The following CCDC24 variants were observed in gnomAD, a reference collection of about 807,000 sequenced individuals.
The protein encoded by CCDC24 is coiled-coil domain containing 24, also known as coiled-coil domain-containing protein 24.
In CCDC24, 34 loss-of-function variants were observed where a neutral mutation model predicts 31.6. That is an observed-to-expected ratio of 1.08 (90% CI 0.82 to 1.43). The LOEUF (loss-of-function observed/expected upper bound fraction) is 1.43, where lower values mean the gene tolerates loss of function less well. CCDC24 is among the 40% of genes most tolerant of loss of function. CCDC24 has a pLI of 0.00. For missense variants in CCDC24, 426 were observed against 391.1 expected (o/e 1.09, Z -0.75); for synonymous variants, 175 against 157.3 (o/e 1.11, Z -0.84).
Position 43,995,303 on chromosome 1 carries a change from G to A in CCDC24, c.552+141G>A. The stretch of plus-strand genomic sequence containing the variant: ...CTGCATCCATTTCTCAGGGGTGCAT[G>A]CTTGTGTGCACCTGCAAAATCCTGG... On this transcript the variant is annotated intron_variant, in intron 6 of 8. Transcript: ENST00000372318. This position sits in a 1 kb window ranked among gnomAD's most constrained non-coding sequence, Gnocchi z 4.3. 2.2e-6 allele frequency: 2 copies of A among 926,354 alleles called. No homozygotes were observed. Among genetic ancestry groups the A allele is most frequent in the Non-Finnish European group, 3.3e-6 (2 of 611,814 alleles). The allele number at this position is 926,354 out of a possible 1,614,324, so 57.4% of individuals were successfully genotyped here.
intron 5 of CCDC24, 68 bp downstream of exon 5, chr1:43,994,032 G>C: frequency 7.1e-7 from 1 of 1,411,994 alleles, no homozygotes; most frequent in Non-Finnish European, 1.0e-6. Flanking sequence ...TGAGGTGCTG[G>C]GATTGTGAGA....
rs1334392727 is a variant in CCDC24, at chr1:43,995,232, A to C, written c.552+70A>C. ...GTAGACTCTCACCTGGGTGAGACCCATGTACCTGTGTGCATACATAGGTGC... is the reference window on the plus strand; with the variant it reads ...GTAGACTCTCACCTGGGTGAGACCCCTGTACCTGTGTGCATACATAGGTGC... On this transcript the variant is annotated intron_variant, in intron 6 of 8. Coordinates refer to ENST00000372318, the MANE Select transcript of CCDC24 (RefSeq NM_152499.4). The surrounding 1 kb of genome is among the most constrained non-coding windows in gnomAD (Gnocchi z 4.3). 6.9e-7 allele frequency: 1 copy of C among 1,449,486 alleles called. No individual in the cohort carries two copies. The highest frequency in any genetic ancestry group is 1.4e-5 in the African/African-American group (1 of 71,278). The allele number at this position is 1,449,486 out of a possible 1,614,324, so 89.8% of individuals were successfully genotyped here. A position where few individuals can be genotyped will look rare whatever the true frequency, so the allele number is the denominator to read the frequency against.
chr1:43,994,769 C>T (rs1172658094), intron 5 of CCDC24: 1 of 351,920 alleles, frequency 2.8e-6, no homozygotes, highest in Non-Finnish European at 5.2e-6. Flanking sequence ...AATACCTTGA[C>T]ACAGGGGTAG....
rs1557658877 is a variant in CCDC24, at chr1:43,995,796, A to C, written c.641A>C (p.Lys214Thr). The C allele has an allele frequency of 6.2e-7, 1 of 1,614,222 alleles. No individual in the cohort carries two copies. Among genetic ancestry groups the C allele is most frequent in the Non-Finnish European group, 8.5e-7 (1 of 1,180,030 alleles). ...PTLAELKEQK[K>T]AMEQELQASV... ...CCTTCAGAGCTAAAGGAACAGAAGAAGGCCATGGAGCAGGAGCTGCAGGCA... is the reference window on the plus strand; with the variant it reads ...CCTTCAGAGCTAAAGGAACAGAAGACGGCCATGGAGCAGGAGCTGCAGGCA... Residue 214 changes from lysine to threonine, a missense_variant, in exon 8 of 9, where the codon AAG becomes ACG. Coordinates refer to ENST00000372318, the MANE Select transcript of CCDC24 (RefSeq NM_152499.4). The surrounding 1 kb of genome is among the most constrained non-coding windows in gnomAD (Gnocchi z 4.3).
At position 43,992,199 on chromosome 1, in the gene CCDC24, G is replaced by T. The variant is rs886342252; in HGVS notation, c.127-13G>T. ...CCCTCCCCAGTCGCAAGGTATCCCAGCTCTCCTTGCAGGTGGCGATGTTAC... is the reference window on the plus strand; with the variant it reads ...CCCTCCCCAGTCGCAAGGTATCCCATCTCTCCTTGCAGGTGGCGATGTTAC... On this transcript the variant is annotated splice_polypyrimidine_tract_variant and intron_variant, in intron 2 of 8. Transcript: ENST00000372318. The T allele has an allele frequency of 1.9e-6, 3 of 1,606,654 alleles. No homozygotes were observed. In the East Asian group the frequency reaches 6.7e-5, roughly 36 times the overall value.
chr1:43,993,860 G>A (rs373241583), intron 4 of CCDC24, 27 bp from the exon 5 acceptor site: 41 of 1,611,706 alleles, frequency 2.5e-5, no homozygotes, highest in African/African-American at 6.7e-5. Flanking sequence ...AGCAACATGC[G>A]GAGAGTGATA....
Position 43,995,649 on chromosome 1 carries a change from G to T in CCDC24, c.601G>T (p.Ala201Ser). The part of the protein sequence containing the change: ...YLRPCHPSEA[A>S]LEPTLAELKE... ...GAGGCCTTGCCACCCCTCTGAGGCA[G>T]CCCTGGAGCCCACCCTGGCAGGTGA... Residue 201 changes from alanine (A) to serine (S), a missense_variant, in exon 7 of 9, where the codon GCC (alanine) becomes TCC (serine). Coordinates refer to ENST00000372318, the MANE Select transcript of CCDC24 (RefSeq NM_152499.4). This position sits in a 1 kb window ranked among gnomAD's most constrained non-coding sequence, Gnocchi z 4.3. 6.2e-7 allele frequency: 1 copy of T among 1,613,032 alleles called. No homozygotes were observed. Among genetic ancestry groups the T allele is most frequent in the Non-Finnish European group, 8.5e-7 (1 of 1,179,492 alleles).
rs2085752300 is a variant in CCDC24 at position 43,991,975 on chromosome 1, G to C, written c.97G>C (p.Val33Leu). The change falls in exon 2 of 9, where the codon GTG (valine) becomes CTG (leucine). Residue 33 changes from valine (V) to leucine (L), a missense_variant. Val to Leu is a conservative substitution (Grantham distance 32). Coordinates refer to ENST00000372318, the MANE Select transcript of CCDC24 (RefSeq NM_152499.4). ...EVKRILGEAA[V>L]DLSLELRAEV... Reference sequence around the variant, plus strand: ...GAAGAGGATTCTGGGGGAGGCGGCGGTGGACCTGAGCCTGGAGCTGCGGGC... The same window carrying C: ...GAAGAGGATTCTGGGGGAGGCGGCGCTGGACCTGAGCCTGGAGCTGCGGGC... 3 of 1,522,416 alleles carry C rather than the reference G, an allele frequency of 2.0e-6. No individual in the cohort carries two copies. The highest frequency in any genetic ancestry group is 2.5e-5 in the South Asian group (2 of 80,918). 94.3% of individuals were successfully genotyped at this position (1,522,416 alleles called of 1,614,324 possible). A position where few individuals can be genotyped will look rare whatever the true frequency, so the allele number is the denominator to read the frequency against.
In CCDC24 at chr1:43,995,154, A is replaced by G; in HGVS notation, c.544A>G (p.Ile182Val). ...TCACACCTTGGAGAGGGAGATCCTC[A>G]TCCTGCAGGTGAGCCGCAGCCCTGG... ...ECHTLEREIL[I>V]LQRCLEEEYL... The change falls in exon 6 of 9, where the codon ATC (isoleucine) becomes GTC (valine). Residue 182 changes from isoleucine to valine, a missense_variant. Ile to Val is a conservative substitution (Grantham distance 29). Transcript: ENST00000372318. This position sits in a 1 kb window ranked among gnomAD's most constrained non-coding sequence, Gnocchi z 4.3. 1 of 1,575,660 alleles carries G rather than the reference A, an allele frequency of 6.3e-7. No homozygotes were observed. The highest frequency in any genetic ancestry group is 1.2e-5 in the South Asian group (1 of 85,964).
At position 43,996,105 on chromosome 1, in the gene CCDC24, G is replaced by C. The variant is rs1369541977; in HGVS notation, c.869G>C (p.Arg290Thr). 6.2e-7 allele frequency: 1 copy of C among 1,613,480 alleles called. No homozygotes were observed. The highest frequency in any genetic ancestry group is 1.6e-4 in the Middle Eastern group (1 of 6,084). ...GGACGGCAGCTTCAGTGCAGCCCCAGGGAAGGGCCAGCTTCCACACCCATG... is the reference window on the plus strand; with the variant it reads ...GGACGGCAGCTTCAGTGCAGCCCCACGGAAGGGCCAGCTTCCACACCCATG... Reference protein sequence around the residue: ...RWGRQLQCSPREGPASTPMSS... With the variant: ...RWGRQLQCSPTEGPASTPMSS... The change falls in exon 9 of 9, where the codon AGG (arginine) becomes ACG (threonine). Residue 290 changes from arginine to threonine, a missense_variant. Physicochemically the swap from Arg to Thr is moderately conservative, Grantham distance 71 (BLOSUM62 -1). Transcript: ENST00000372318.
At chr1:43,992,028 C>T (rs2085753595) in intron 2 of CCDC24, 24 bp downstream of exon 2, 2 of 1,469,756 alleles carry the variant, frequency 1.4e-6, no homozygotes, top group Non-Finnish European at 1.8e-6. Flanking sequence ...AGGTGGGCCA[C>T]GCCCCTGGCC....
rs1250445797 is a variant in CCDC24, at chr1:43,995,235, T to TA, written c.552+74dup. The TA allele has an allele frequency of 2.1e-6, 3 of 1,411,086 alleles. No homozygotes were observed. The highest frequency in any genetic ancestry group is 2.9e-6 in the Non-Finnish European group (3 of 1,028,848). The allele number at this position is 1,411,086 out of a possible 1,614,324, so 87.4% of individuals were successfully genotyped here. A position where few individuals can be genotyped will look rare whatever the true frequency, so the allele number is the denominator to read the frequency against. On this transcript the variant is annotated intron_variant, in intron 6 of 8. Transcript: ENST00000372318. The surrounding 1 kb of genome is among the most constrained non-coding windows in gnomAD (Gnocchi z 4.3). ...GACTCTCACCTGGGTGAGACCCATG[T>TA]ACCTGTGTGCATACATAGGTGCATG...
At chr1:43,993,068 T>C (rs2085774357) in intron 4 of CCDC24, among the ~76,000 whole-genome samples, 1 of 152,142 alleles carries the variant, frequency 6.6e-6, no homozygotes, top group Non-Finnish European at 1.5e-5. Context: ...GATAAAATAT[T>C]CATAAGTGGA....
In CCDC24 at chr1:43,995,416, G is replaced by T; in HGVS notation, c.553-185G>T. 2.7e-6 allele frequency: 2 copies of T among 732,718 alleles called. No homozygotes were observed. The highest frequency in any genetic ancestry group is 1.9e-5 in the South Asian group (1 of 53,122). The allele number at this position is 732,718 out of a possible 1,614,324, so 45.4% of individuals were successfully genotyped here. Reference sequence around the variant, plus strand: ...TTCCTTTACCTAAGTCTGGGTACAGGCCCCACCACTATCTTGCCAAACTCA... The same window carrying T: ...TTCCTTTACCTAAGTCTGGGTACAGTCCCCACCACTATCTTGCCAAACTCA... On this transcript the variant is annotated intron_variant, in intron 6 of 8. Coordinates refer to ENST00000372318, the MANE Select transcript of CCDC24 (RefSeq NM_152499.4). The surrounding 1 kb of genome is among the most constrained non-coding windows in gnomAD (Gnocchi z 4.3).
chr1:43,993,768 T>A, intron 4 of CCDC24, 119 bp from the exon 5 acceptor site: 1 of 916,546 alleles, frequency 1.1e-6, no homozygotes, highest in Middle Eastern at 2.1e-4. Context: ...AAACTCTTAC[T>A]CTTTGCACTA....
rs34298087 is a variant in CCDC24, at chr1:43,993,285, GA to G, written c.420-592del. On this transcript the variant is annotated intron_variant, in intron 4 of 8. Transcript: ENST00000372318. ...GGGAGACCCCATCTTTACAAAAAGT[GA>G]AAAAAAAAATAGTCAGGTGAGGTGG... 7.4e-5 allele frequency among the ~76,000 whole-genome samples: 11 copies of G among 148,792 alleles called. No individual in the cohort carries two copies. The East Asian group carries it at 1.2e-3, about 16-fold the overall frequency.
Position 43,991,993 on chromosome 1 carries a change from C to A in CCDC24, c.115C>A (p.Leu39Met). 1 of 1,506,854 alleles carries A rather than the reference C, an allele frequency of 6.6e-7. No individual in the cohort carries two copies. The highest frequency in any genetic ancestry group is 8.9e-7 in the Non-Finnish European group (1 of 1,120,212). 93.3% of individuals were successfully genotyped at this position (1,506,854 alleles called of 1,614,324 possible). A position where few individuals can be genotyped will look rare whatever the true frequency, so the allele number is the denominator to read the frequency against. The change falls in exon 2 of 9, where the codon CTG becomes ATG. Residue 39 changes from leucine (L) to methionine (M), a missense_variant. Transcript: ENST00000372318. ...GGCGGCGGTGGACCTGAGCCTGGAGCTGCGGGCGGAGGTGGGGAGAGGGAA... is the reference window on the plus strand; with the variant it reads ...GGCGGCGGTGGACCTGAGCCTGGAGATGCGGGCGGAGGTGGGGAGAGGGAA... ...GEAAVDLSLE[L>M]RAEVAMLRAL...
Position 43,995,786 on chromosome 1 carries a change from G to A in CCDC24, c.631G>A (p.Glu211Lys), listed in dbSNP as rs1228953780. 1 of 1,614,200 alleles carries A rather than the reference G, an allele frequency of 6.2e-7. No individual in the cohort carries two copies. Among genetic ancestry groups the A allele is most frequent in the East Asian group, 2.2e-5 (1 of 44,878 alleles). The part of the protein sequence containing the change: ...ALEPTLAELK[E>K]QKKAMEQELQ... ...CCCAATCTCTCCTTCAGAGCTAAAG[G>A]AACAGAAGAAGGCCATGGAGCAGGA... Residue 211 changes from glutamate (E) to lysine (K), a missense_variant, in exon 8 of 9, where the codon GAA (glutamate) becomes AAA (lysine). Transcript: ENST00000372318. This position sits in a 1 kb window ranked among gnomAD's most constrained non-coding sequence, Gnocchi z 4.3.
rs769896048 is a variant in CCDC24 at position 43,992,637 on chromosome 1, C to T, written c.417C>T (p.Pro139=). 5.0e-6 allele frequency: 8 copies of T among 1,613,872 alleles called. No homozygotes were observed. The highest frequency in any genetic ancestry group is 4.4e-5 in the South Asian group (4 of 91,080). The part of the protein sequence containing the change: ...QEIFQMRGGG[P]SSGHRDLSII... The stretch of plus-strand genomic sequence containing the variant: ...TATTCCAGATGAGAGGTGGTGGGCC[C>T]AGGTAAGGTGATGGTAGGAGAGAGG... The change falls in exon 4 of 9, where the codon CCC becomes CCT. Residue 139 remains proline, a splice_region_variant and synonymous_variant. Coordinates refer to ENST00000372318, the MANE Select transcript of CCDC24 (RefSeq NM_152499.4).
Sources: gnomAD v4.1 joint callset for allele counts (sites outside exome capture counted in the v4.1 genomes callset) on GRCh38, gnomAD v4.1.1 for gene constraint, Gnocchi (gnomAD v3.1) non-coding constraint, MANE v1.5 for transcripts, NCBI Gene and HGNC (gene_info 2026-07-23, HGNC 2026-07-21) for gene names.